The following ACTN4 variants were observed in gnomAD, a reference collection of about 807,000 sequenced individuals.
The protein encoded by ACTN4 is alpha-actinin-4.
Under a neutral mutation model 114.2 loss-of-function variants are expected in ACTN4, and 18 were observed. That is an observed-to-expected ratio of 0.16 (90% CI 0.11 to 0.23). The LOEUF (loss-of-function observed/expected upper bound fraction) is 0.23, where lower values mean the gene tolerates loss of function less well. ACTN4 is among the 10% of genes least tolerant of loss of function. ACTN4 has a pLI of 1.00. For missense variants in ACTN4, 722 were observed against 1,262.9 expected, an observed-to-expected ratio of 0.57 and a Z score of 6.49; for synonymous variants, 515 against 506.3, an observed-to-expected ratio of 1.02 and a Z score of -0.23.
chr19:38,700,475 T>A, intron 1 of ACTN4, 125 bp from the exon 2 acceptor site: 2 of 773,932 alleles, frequency 2.6e-6, no homozygotes, highest in Non-Finnish European at 4.6e-6. Flanking sequence ...GTACGGTGTG[T>A]GTCGGCGAGT....
intron 1 of ACTN4, among the ~76,000 whole-genome samples, chr19:38,673,548 T>A (rs8182572): frequency 1.1e-3 from 69 of 61,816 alleles, no homozygotes; most frequent in Middle Eastern, 6.2e-3. Flanking sequence ...TATATATATT[T>A]ATATATACTT....
chr19:38,654,552 G>C (rs1289290075), intron 1 of ACTN4, among the ~76,000 whole-genome samples: 1 of 142,138 alleles, frequency 7.0e-6, no homozygotes, highest in African/African-American at 2.6e-5. Context: ...ACAGAGTAAG[G>C]CTCCGTCTCA....
chr19:38,665,278 G>T (rs1211678215), intron 1 of ACTN4, among the ~76,000 whole-genome samples: 2 of 152,186 alleles, frequency 1.3e-5, no homozygotes, highest in African/African-American at 4.8e-5. Flanking sequence ...CCACCGGCTG[G>T]CTGTGCGACC....
At chr19:38,693,322 C>T (rs569075268) in intron 1 of ACTN4, among the ~76,000 whole-genome samples, 4 of 152,204 alleles carry the variant, frequency 2.6e-5, no homozygotes, top group Non-Finnish European at 5.9e-5. Context: ...AGCGACTTTG[C>T]AAGAGACTCC....
At chr19:38,689,496 T>C (rs199798063) in intron 1 of ACTN4, among the ~76,000 whole-genome samples, 1 of 151,956 alleles carries the variant, frequency 6.6e-6, no homozygotes, top group East Asian at 1.9e-4. Context: ...ATTTTTGGTT[T>C]TTTGTTTTGT....
intron 12 of ACTN4, 40 bp from the exon 13 acceptor site, chr19:38,723,574 T>C (rs376310635): frequency 2.2e-5 from 33 of 1,488,728 alleles, no homozygotes; most frequent in Non-Finnish European, 2.7e-5. Context: ...TCTAGCCACT[T>C]GCCCTTGCCG....
chr19:38,704,742 A>G (rs1968399611), intron 3 of ACTN4, among the ~76,000 whole-genome samples, 192 bp from the exon 4 acceptor site: 2 of 152,250 alleles, frequency 1.3e-5, no homozygotes, highest in Admixed American at 1.3e-4. Flanking sequence ...GCTCTGGGAC[A>G]GTGCTGCCTA....
chr19:38,657,967 A>G (rs1279502035), intron 1 of ACTN4, among the ~76,000 whole-genome samples: 1 of 152,238 alleles, frequency 6.6e-6, no homozygotes, highest in Non-Finnish European at 1.5e-5. Context: ...TTTAGTTGCT[A>G]TCACCATGGA....
chr19:38,718,115 C>T (rs545698094), intron 11 of ACTN4, 41 bp downstream of exon 11: 22 of 1,574,534 alleles, frequency 1.4e-5, no homozygotes, highest in African/African-American at 1.2e-4. Flanking sequence ...GCCCCGCTCC[C>T]GTGCTCCCCT....
At chr19:38,664,409 G>A (rs1023078888) in intron 1 of ACTN4, among the ~76,000 whole-genome samples, 3 of 152,110 alleles carry the variant, frequency 2.0e-5, no homozygotes, top group African/African-American at 7.2e-5. Context: ...TGTGGGATAA[G>A]GTTAGGGTAG....
At chr19:38,698,604 G>A (rs1403723197) in intron 1 of ACTN4, among the ~76,000 whole-genome samples, 1 of 152,220 alleles carries the variant, frequency 6.6e-6, no homozygotes, top group Non-Finnish European at 1.5e-5. Flanking sequence ...TACCCTCCAG[G>A]CACGGCATTT....
At chr19:38,700,261 C>T (rs1450255047) in intron 1 of ACTN4, among the ~76,000 whole-genome samples, 2 of 152,130 alleles carry the variant, frequency 1.3e-5, no homozygotes, top group Admixed American at 6.5e-5. Context: ...GTCTGGTGTG[C>T]GTACTGGTCT....
At chr19:38,723,890 T>C (rs766079586) in intron 13 of ACTN4, 47 bp from the exon 14 acceptor site, 9 of 1,465,466 alleles carry the variant, frequency 6.1e-6, no homozygotes, top group East Asian at 2.5e-5. Context: ...GCTCACATAC[T>C]GACCTGCCTT....
chr19:38,694,751 T>G (rs957041467), intron 1 of ACTN4, among the ~76,000 whole-genome samples: 1 of 152,090 alleles, frequency 6.6e-6, no homozygotes, highest in Non-Finnish European at 1.5e-5. Context: ...ATATCGCATG[T>G]GATCATGGGG....
At position 38,717,909 on chromosome 19, in the gene ACTN4, G is replaced by C. The variant is rs763579928; in HGVS notation, c.1144-18G>C. The C allele has an allele frequency of 1.3e-5, 21 of 1,578,560 alleles. No homozygotes were observed. Among genetic ancestry groups the C allele is most frequent in the Non-Finnish European group, 1.8e-5 (21 of 1,161,416 alleles). On this transcript the variant is annotated intron_variant, in intron 10 of 20. Transcript: ENST00000252699. The surrounding 1 kb of genome is among the most constrained non-coding windows in gnomAD (Gnocchi z 4.0). The stretch of plus-strand genomic sequence containing the variant: ...CCACTTCCTTGTGATAGCCCTGCCT[G>C]CTCCTGCCCTGCCCCAGGACATCAA...
At chr19:38,692,175 T>G (rs1967952072) in intron 1 of ACTN4, among the ~76,000 whole-genome samples, 1 of 152,202 alleles carries the variant, frequency 6.6e-6, no homozygotes, top group South Asian at 2.1e-4. Flanking sequence ...ATAAGACGCA[T>G]TCCATATTTC....
chr19:38,724,118 T>TG lies in ACTN4; in HGVS notation c.1693-35dup, dbSNP rs1485444578. ...CCCCCCATCTTCCCAAGAGCCTCTG[T>TG]GGGGCTGGGCCGCCCCCTCACTCCA... On this transcript the variant is annotated intron_variant, in intron 14 of 20. Coordinates refer to ENST00000252699, the MANE Select transcript of ACTN4 (RefSeq NM_004924.6). This position sits in a 1 kb window ranked among gnomAD's most constrained non-coding sequence, Gnocchi z 7.0. 1 of 1,613,598 alleles carries TG rather than the reference T, an allele frequency of 6.2e-7. No homozygotes were observed. The highest frequency in any genetic ancestry group is 1.1e-5 in the South Asian group (1 of 91,082).
intron 1 of ACTN4, among the ~76,000 whole-genome samples, chr19:38,655,653 C>T (rs1342812007): frequency 6.6e-6 from 1 of 152,090 alleles, no homozygotes; most frequent in African/African-American, 2.4e-5. Flanking sequence ...CTTGATTCAT[C>T]TTCAGTTTCA....
intron 1 of ACTN4, among the ~76,000 whole-genome samples, chr19:38,680,861 C>A (rs901179680): frequency 1.6e-4 from 25 of 152,186 alleles, no homozygotes; most frequent in African/African-American, 6.0e-4. Context: ...TGCGGTGGCT[C>A]ACACCTGTAA....
Sources: allele counts gnomAD v4.1 joint callset (sites outside exome capture counted in the v4.1 genomes callset), GRCh38; gene constraint gnomAD v4.1.1; non-coding constraint Gnocchi (gnomAD v3.1); transcripts MANE v1.5; gene names NCBI Gene and HGNC (gene_info 2026-07-23, HGNC 2026-07-21).